PRDM2: variants seen among roughly 807,000 people sequenced by gnomAD.
PRDM2 encodes the protein PR/SET domain 2.
PRDM2 carries 30 observed loss-of-function variants against 130.0 expected under a neutral mutation model. The observed-to-expected ratio is 0.23, with a 90% CI of 0.17 to 0.31. The LOEUF (loss-of-function observed/expected upper bound fraction) is 0.31, where lower values mean the gene tolerates loss of function less well. Among genes scored for constraint, PRDM2 ranks in the 10% least tolerant of loss-of-function variants. The pLI is 1.00. For synonymous variants in PRDM2, 871 were observed against 782.4 expected, an observed-to-expected ratio of 1.11 and a Z score of -1.89; for missense variants, 2,011 against 2,108.4, an observed-to-expected ratio of 0.95 and a Z score of 0.90.
intron 8 of PRDM2, among the ~76,000 whole-genome samples, chr1:13,811,277 G>A (rs1039175446): frequency 6.6e-6 from 1 of 152,174 alleles, no homozygotes; most frequent in Non-Finnish European, 1.5e-5. Context: ...GGATTGTGAA[G>A]GTTAAGGGGC....
intron 8 of PRDM2, among the ~76,000 whole-genome samples, chr1:13,789,769 C>T (rs765143365): frequency 1.3e-5 from 2 of 152,122 alleles, no homozygotes; most frequent in African/African-American, 2.4e-5. Flanking sequence ...AGAGCACAGG[C>T]GGATGAGAAA....
rs12078624 is a variant in PRDM2, at chr1:13,731,881, T to C, written c.127+764T>C. On this transcript the variant is annotated intron_variant, in intron 3 of 9. Coordinates refer to ENST00000311066, the MANE Select transcript of PRDM2 (RefSeq NM_001393986.1). ...TTTAAAAATTCTCATTGGAAACTTA[T>C]TCATTGAGCAGTTTGAACATATTGT... Among the ~76,000 whole-genome samples, 877 of 152,304 alleles carry C rather than the reference T, an allele frequency of 5.8e-3. 9 individuals carry two copies. The highest frequency in any genetic ancestry group is 0.02 in the African/African-American group (837 of 41,558).
intron 9 of PRDM2, among the ~76,000 whole-genome samples, chr1:13,820,489 G>A (rs920797597): frequency 4.6e-5 from 7 of 152,330 alleles, no homozygotes; most frequent in East Asian, 3.9e-4. Flanking sequence ...TCTTCACCCC[G>A]TGTCTTTCCT....
intron 4 of PRDM2, 44 bp from the exon 5 acceptor site, chr1:13,741,960 TA>T: frequency 6.9e-7 from 1 of 1,456,432 alleles, no homozygotes; most frequent in African/African-American, 1.4e-5. Flanking sequence ...ATTTTAAAGA[TA>T]CTCCTATTTT....
chr1:13,752,167 T>C (rs1444505360), intron 6 of PRDM2, among the ~76,000 whole-genome samples: 1 of 152,230 alleles, frequency 6.6e-6, no homozygotes, highest in Non-Finnish European at 1.5e-5. Context: ...TCAATAAATA[T>C]TCATTGATTG....
chr1:13,744,812 A>C (rs976487439), intron 5 of PRDM2, among the ~76,000 whole-genome samples: 1 of 152,176 alleles, frequency 6.6e-6, no homozygotes, highest in African/African-American at 2.4e-5. Context: ...AGTATGTACA[A>C]AGCCTTTCAG....
chr1:13,748,096 A>G (rs1643670093), intron 5 of PRDM2, among the ~76,000 whole-genome samples: 1 of 152,194 alleles, frequency 6.6e-6, no homozygotes, highest in South Asian at 2.1e-4. Flanking sequence ...ATTAGATTCG[A>G]CGTATGCATT....
At chr1:13,770,901 T>TTA (rs1644346446) in intron 6 of PRDM2, among the ~76,000 whole-genome samples, 1 of 152,178 alleles carries the variant, frequency 6.6e-6, no homozygotes, top group Non-Finnish European at 1.5e-5. Context: ...CACAGAGAAG[T>TTA]TATGTTATGT....
chr1:13,802,253 A>G (rs1035205565), intron 8 of PRDM2, among the ~76,000 whole-genome samples: 2 of 152,058 alleles, frequency 1.3e-5, no homozygotes, highest in African/African-American at 4.8e-5. Flanking sequence ...TGCCTTTCCC[A>G]TGACAGTGCC....
At chr1:13,730,961 C>A in intron 2 of PRDM2, 39 bp from the exon 3 acceptor site, 1 of 1,307,220 alleles carries the variant, frequency 7.6e-7, no homozygotes, top group Non-Finnish European at 1.0e-6. Context: ...TTTGAGTTTT[C>A]TTTCTTTTGC....
chr1:13,781,941 C>T lies in PRDM2; in HGVS notation c.4146C>T (p.Gly1382=), dbSNP rs199921095. ...PLKQTVQPKN[G]VVVLDNSGKN... ...AACAAACTGTGCAACCCAAAAATGG[C>T]GTGGTGGTTTTAGATAACTCTGGGA... is the stretch of plus-strand genomic sequence containing the variant. The change falls in exon 8 of 10, where the codon GGC becomes GGT. Residue 1382 remains glycine, a synonymous_variant. Transcript: ENST00000311066. This position sits in a 1 kb window ranked among gnomAD's most constrained non-coding sequence, Gnocchi z 6.1. 2.9e-5 allele frequency: 47 copies of T among 1,614,050 alleles called. No homozygotes were observed. The East Asian group carries it at 5.3e-4, about 18-fold the overall frequency.
intron 2 of PRDM2, among the ~76,000 whole-genome samples, chr1:13,725,291 G>A (rs755192802): frequency 2.0e-5 from 3 of 152,140 alleles, no homozygotes; most frequent in Admixed American, 6.5e-5. Context: ...TGCAACTTCC[G>A]CCTCCCGGGT....
intron 8 of PRDM2, among the ~76,000 whole-genome samples, chr1:13,793,579 C>A (rs1557663880): frequency 6.6e-6 from 1 of 152,190 alleles, no homozygotes; most frequent in East Asian, 1.9e-4. Context: ...CTATTAATTT[C>A]ATGAGTGGGT....
rs777535842 is a variant in PRDM2, at chr1:13,781,107, A to G, written c.3312A>G (p.Glu1104=). 22 of 1,613,882 alleles carry G rather than the reference A, an allele frequency of 1.4e-5. No homozygotes were observed. The East Asian group carries it at 4.9e-4, about 36-fold the overall frequency. The change falls in exon 8 of 10, where the codon GAA becomes GAG. Residue 1104 remains glutamate (E), a synonymous_variant. Transcript: ENST00000311066. The surrounding 1 kb of genome is among the most constrained non-coding windows in gnomAD (Gnocchi z 6.1). ...CCATGATATCTTTCAAACAGGAGGA[A>G]TTAGAGAATGAAGGTCTGAAACCCA... The part of the protein sequence containing the change: ...SLPMISFKQE[E]LENEGLKPRE...
intron 8 of PRDM2, among the ~76,000 whole-genome samples, chr1:13,809,671 C>T (rs1267188827): frequency 3.3e-5 from 5 of 152,108 alleles, no homozygotes; most frequent in Admixed American, 2.6e-4. Context: ...TGAGGCTGGC[C>T]GTGGACGCCA....
At chr1:13,749,212 G>A (rs1362548579) in intron 5 of PRDM2, 149 bp from the exon 6 acceptor site, 3 of 686,872 alleles carry the variant, frequency 4.4e-6, no homozygotes, top group Admixed American at 5.9e-5. Context: ...CACGGGGCCG[G>A]GAGCCCTTCC....
Position 13,798,513 on chromosome 1 carries a change from G to A in PRDM2, c.5036+15682G>A, listed in dbSNP as rs141563690. On this transcript the variant is annotated intron_variant, in intron 8 of 9. Transcript: ENST00000311066. ...ACTGCTAGCAACCCACTACAGCACA[G>A]TGTATTAATTCAAAGGTACTGGTGG... Among the ~76,000 whole-genome samples the A allele has an allele frequency of 5.5e-3, 842 of 152,268 alleles. 26 individuals are homozygous for A. Among genetic ancestry groups the A allele is most frequent in the Admixed American group, 0.049 (742 of 15,292 alleles).
chr1:13,782,855 G>A, intron 8 of PRDM2, 24 bp downstream of exon 8: 1 of 1,606,990 alleles, frequency 6.2e-7, no homozygotes, highest in Non-Finnish European at 8.5e-7. Context: ...CTGGTGGGAG[G>A]GAAAGACCGG....
intron 8 of PRDM2, among the ~76,000 whole-genome samples, chr1:13,812,161 A>G (rs1570117461): frequency 6.6e-6 from 1 of 150,410 alleles, no homozygotes; most frequent in African/African-American, 2.4e-5. Context: ...GGTGGGGGGG[A>G]GGGTGCAGCG....
Sources: gnomAD v4.1 joint callset for allele counts (sites outside exome capture counted in the v4.1 genomes callset) on GRCh38, gnomAD v4.1.1 for gene constraint, Gnocchi (gnomAD v3.1) non-coding constraint, MANE v1.5 for transcripts, NCBI Gene and HGNC (gene_info 2026-07-23, HGNC 2026-07-21) for gene names.